The following CSMD1 variants were observed in gnomAD, a reference collection of about 807,000 sequenced individuals.
The protein encoded by CSMD1 is CUB and Sushi multiple domains 1, also known as CUB and sushi domain-containing protein 1.
CSMD1 carries 213 observed loss-of-function variants against 417.5 expected under a neutral mutation model. That is an observed-to-expected ratio of 0.51 (90% CI 0.46 to 0.57). CSMD1 has a LOEUF of 0.57. CSMD1 is among the 20% of genes least tolerant of loss of function. The pLI is 0.00. For synonymous variants in CSMD1, 2,862 were observed against 1,736.8 expected (o/e 1.65, Z -16.11); for missense variants, 6,923 against 4,529.7 (o/e 1.53, Z -15.17).
intron 10 of CSMD1, among the ~76,000 whole-genome samples, chr8:3,502,747 G>A (rs1013793975): frequency 4.6e-5 from 7 of 152,176 alleles, no homozygotes; most frequent in African/African-American, 1.7e-4. Context: ...GGATTTTTAG[G>A]ACAGTGAAAC....
intron 3 of CSMD1, among the ~76,000 whole-genome samples, chr8:4,144,498 C>A (rs1803989980): frequency 1.3e-5 from 2 of 151,140 alleles, no homozygotes; most frequent in South Asian, 4.1e-4. Flanking sequence ...CGCTTGAGGG[C>A]TCCAGTCTAA....
intron 26 of CSMD1, chr8:3,279,313 C>G (rs1802554274): frequency 6.6e-6 from 1 of 152,256 alleles, no homozygotes; most frequent in Admixed American, 6.5e-5. Flanking sequence ...AACTCCCTGG[C>G]CATCCAAAAT....
intron 11 of CSMD1, chr8:3,469,100 G>A (rs1209069441): frequency 7.1e-6 from 2 of 283,276 alleles, no homozygotes; most frequent in Non-Finnish European, 1.3e-5. Flanking sequence ...CATTTTCCTG[G>A]AACCGAGAGG....
chr8:4,396,475 G>A (rs961714939), intron 3 of CSMD1, among the ~76,000 whole-genome samples: 6 of 152,086 alleles, frequency 3.9e-5, no homozygotes, highest in Non-Finnish European at 8.8e-5. Context: ...GTCTCACTCT[G>A]CAATGGGAAT....
At chr8:3,767,666 T>C (rs879260732) in intron 5 of CSMD1, among the ~76,000 whole-genome samples, 3 of 152,228 alleles carry the variant, frequency 2.0e-5, no homozygotes, top group Non-Finnish European at 4.4e-5. Flanking sequence ...ATATATGGTA[T>C]ACAAGTAATA....
At chr8:3,431,440 A>G (rs554907728) in intron 12 of CSMD1, among the ~76,000 whole-genome samples, 135 of 152,298 alleles carry the variant, frequency 8.9e-4, no homozygotes, top group Non-Finnish European at 1.4e-3. Context: ...GGAAGTCAGC[A>G]TGTCACTTTC....
intron 2 of CSMD1, among the ~76,000 whole-genome samples, chr8:4,579,059 T>C (rs1372070540): frequency 3.3e-5 from 5 of 151,896 alleles, no homozygotes; most frequent in Non-Finnish European, 4.4e-5. Context: ...AAAGATATCT[T>C]TCTGCAATAA....
At position 4,854,910 on chromosome 8, in the gene CSMD1, G is replaced by C. The variant is rs372917332; in HGVS notation, c.85+139422C>G. Among the ~76,000 whole-genome samples, 326 of 152,298 alleles carry C rather than the reference G, an allele frequency of 2.1e-3. 12 individuals are homozygous for C. In the South Asian group the frequency reaches 0.036, roughly 17 times the overall value. On this transcript the variant is annotated intron_variant, in intron 1 of 69. Transcript: ENST00000635120. ...GGAAGCTCGAACTGGGTGGAGCCCA[G>C]CACAGCTCAAGGAGGTCTGCCTGCC...
At chr8:3,453,184 T>A (rs1209210305) in intron 12 of CSMD1, among the ~76,000 whole-genome samples, 1 of 152,044 alleles carries the variant, frequency 6.6e-6, no homozygotes, top group African/African-American at 2.4e-5. Context: ...TTTTTATTGC[T>A]TCTATTTGAT....
intron 8 of CSMD1, among the ~76,000 whole-genome samples, chr8:3,597,060 G>C (rs2406982): frequency 2.0e-5 from 3 of 152,046 alleles, no homozygotes; most frequent in African/African-American, 7.3e-5. Flanking sequence ...GATATTGGCC[G>C]ATAAAACAGA....
At chr8:3,407,237 T>C (rs10104989) in intron 14 of CSMD1, among the ~76,000 whole-genome samples, 23,787 of 149,390 alleles carry the variant, frequency 0.16, 2,018 homozygotes, top group African/African-American at 0.22. Context: ...GACAAAACGA[T>C]GGAAGGGAAG....
In CSMD1 at chr8:4,663,771, T is replaced by C. The variant is rs1256766576; in HGVS notation, c.86-26213A>G. On this transcript the variant is annotated intron_variant, in intron 1 of 69. Transcript: ENST00000635120. ...GTAGTTCTTTAAAGTAACGTGAGAA[T>C]GGACTAATGCACTAAGTGCTGTAGC... is the stretch of plus-strand genomic sequence containing the variant. 1.3e-5 allele frequency among the ~76,000 whole-genome samples: 2 copies of C among 152,276 alleles called. 1 individual carries two copies. The highest frequency in any genetic ancestry group is 4.1e-4 in the South Asian group (2 of 4,826).
chr8:3,260,903 C>A (rs1032258274), intron 26 of CSMD1, among the ~76,000 whole-genome samples: 1 of 152,024 alleles, frequency 6.6e-6, no homozygotes, highest in Admixed American at 6.6e-5. Flanking sequence ...ACGTATCTGA[C>A]AACAGACTAG....
intron 1 of CSMD1, among the ~76,000 whole-genome samples, chr8:4,665,327 A>C (rs1477751418): frequency 6.6e-6 from 1 of 152,222 alleles, no homozygotes; most frequent in Non-Finnish European, 1.5e-5. Flanking sequence ...GAAATTTGTA[A>C]GGTAAATTAA....
chr8:4,965,818 C>A (rs1809820321), intron 1 of CSMD1, among the ~76,000 whole-genome samples: 1 of 151,942 alleles, frequency 6.6e-6, no homozygotes, highest in African/African-American at 2.4e-5. Context: ...ACATCTGGAA[C>A]AAAATAAATG....
chr8:3,345,232 C>T (rs1443561006), intron 22 of CSMD1, among the ~76,000 whole-genome samples: 1 of 152,148 alleles, frequency 6.6e-6, no homozygotes, highest in African/African-American at 2.4e-5. Flanking sequence ...CTTGACCAAG[C>T]GCACCGTGGA....
intron 3 of CSMD1, among the ~76,000 whole-genome samples, chr8:4,385,981 G>A (rs1468171373): frequency 6.6e-6 from 1 of 151,262 alleles, no homozygotes; most frequent in African/African-American, 2.4e-5. Context: ...TTTCCTTTAA[G>A]TTCATTTCCT....
chr8:3,384,573 C>T (rs1300920120), intron 18 of CSMD1, among the ~76,000 whole-genome samples: 8 of 148,910 alleles, frequency 5.4e-5, no homozygotes, highest in Non-Finnish European at 5.9e-5. Context: ...AAATATATTT[C>T]GTATCCATTT....
At chr8:4,882,631 G>A (rs1487718411) in intron 1 of CSMD1, among the ~76,000 whole-genome samples, 4 of 151,750 alleles carry the variant, frequency 2.6e-5, no homozygotes, top group African/African-American at 9.7e-5. Flanking sequence ...TATCCACCGG[G>A]TTTCCCATGC....
Sources: gnomAD v4.1 joint callset for allele counts (sites outside exome capture counted in the v4.1 genomes callset) on GRCh38, gnomAD v4.1.1 for gene constraint, MANE v1.5 for transcripts, NCBI Gene and HGNC (gene_info 2026-07-23, HGNC 2026-07-21) for gene names.